The following IFI44L variants were observed in gnomAD, a reference collection of about 807,000 sequenced individuals.
The protein encoded by IFI44L is interferon-induced protein 44-like.
A neutral mutation model predicts 39.3 loss-of-function variants in IFI44L; 40 were observed. The ratio of observed to expected loss-of-function variants is 1.02; its 90% confidence interval spans 0.79 to 1.33. The LOEUF (loss-of-function observed/expected upper bound fraction) is 1.33, where lower values mean the gene tolerates loss of function less well. Among genes scored for constraint, IFI44L ranks in the 40% most tolerant of loss-of-function variants. The probability of loss-of-function intolerance (pLI) is 0.00; values close to 1 mark genes in which losing one functional copy is unlikely to be tolerated. For missense variants in IFI44L, 623 were observed against 549.0 expected (o/e 1.13, Z -1.35); for synonymous variants, 198 against 182.3 (o/e 1.09, Z -0.69).
chr1:78,628,934 AT>A lies in IFI44L; in HGVS notation c.479-16del, dbSNP rs543620084. 215 of 1,464,632 alleles carry A rather than the reference AT, an allele frequency of 1.5e-4. 1 individual carries two copies. The African/African-American group carries it at 2.7e-3, about 18-fold the overall frequency. 90.7% of individuals were successfully genotyped at this position (1,464,632 alleles called of 1,614,324 possible). A position where few individuals can be genotyped will look rare whatever the true frequency, so the allele number is the denominator to read the frequency against. On this transcript the variant is annotated splice_polypyrimidine_tract_variant and intron_variant, in intron 2 of 8. Coordinates refer to ENST00000370751, the MANE Select transcript of IFI44L (RefSeq NM_006820.4). ...ACAAGTTTTAAAAATGTATTATGCTATGTTTATTTCCTATAGGAATTAAGGA... is the reference window on the plus strand; with the variant it reads ...ACAAGTTTTAAAAATGTATTATGCTAGTTTATTTCCTATAGGAATTAAGGA...
intron 4 of IFI44L, among the ~76,000 whole-genome samples, chr1:78,632,402 T>C (rs980752839): frequency 1.4e-4 from 22 of 152,184 alleles, no homozygotes; most frequent in African/African-American, 5.1e-4. Flanking sequence ...AAATGTGATG[T>C]TTTAATATTG....
intron 3 of IFI44L, among the ~76,000 whole-genome samples, chr1:78,629,484 G>A (rs1652657176): frequency 1.3e-5 from 2 of 152,152 alleles, no homozygotes; most frequent in South Asian, 4.2e-4. Flanking sequence ...TTTGGTTGCA[G>A]GTTAATATTT....
intron 1 of IFI44L, chr1:78,620,854 T>A (rs1652247440): frequency 6.6e-6 from 1 of 152,202 alleles, no homozygotes; most frequent in African/African-American, 2.4e-5. Context: ...TTAACCAACC[T>A]CTTTTCATCA....
Position 78,629,687 on chromosome 1 carries a change from C to A in IFI44L, c.528-33C>A. 2.6e-6 allele frequency: 4 copies of A among 1,517,666 alleles called. No homozygotes were observed. The Admixed American group carries it at 5.5e-5, about 21-fold the overall frequency. The allele number at this position is 1,517,666 out of a possible 1,614,324, so 94.0% of individuals were successfully genotyped here. ...TTTATGGTATTCTTTATTGGCTGTT[C>A]TGATGCTGTATTTAACCACTATATT... On this transcript the variant is annotated intron_variant, in intron 3 of 8. Transcript: ENST00000370751.
intron 1 of IFI44L, among the ~76,000 whole-genome samples, chr1:78,622,184 G>T (rs143518221): frequency 0.017 from 2,613 of 152,142 alleles, 40 homozygotes; most frequent in South Asian, 0.041. Flanking sequence ...GAGTGAGAAC[G>T]TGTGATATTT....
At chr1:78,640,459 C>G (rs1254111673) in intron 6 of IFI44L, among the ~76,000 whole-genome samples, 1 of 152,016 alleles carries the variant, frequency 6.6e-6, no homozygotes, top group African/African-American at 2.4e-5. Flanking sequence ...ACTAAAAGCC[C>G]TGTTAAAAGA....
In IFI44L at chr1:78,643,213, C is replaced by T. The variant is rs1174542568; in HGVS notation, c.*1404C>T. ...GCAAGGCTGCAGGTGAAGTTGTGCT[C>T]AAGTGAATGTTCAGGAGACACAATT... On this transcript the variant is annotated 3_prime_UTR_variant, in exon 9 of 9. Transcript: ENST00000370751. The T allele has an allele frequency of 6.7e-6, 1 of 150,302 alleles. No homozygotes were observed. 9.3% of individuals were successfully genotyped at this position (150,302 alleles called of 1,614,324 possible).
chr1:78,629,565 A>G (rs145995518), intron 3 of IFI44L, 155 bp from the exon 4 acceptor site: 4 of 495,668 alleles, frequency 8.1e-6, no homozygotes, highest in African/African-American at 3.9e-5. Context: ...ATTTCAAATC[A>G]TATTATAGAA....
At chr1:78,621,781 C>T (rs1317715976) in intron 1 of IFI44L, among the ~76,000 whole-genome samples, 1 of 151,606 alleles carries the variant, frequency 6.6e-6, no homozygotes. Flanking sequence ...AATTAATATA[C>T]TTATATTAAT....
At chr1:78,624,757 C>G (rs1438473036) in intron 1 of IFI44L, among the ~76,000 whole-genome samples, 1 of 152,064 alleles carries the variant, frequency 6.6e-6, no homozygotes, top group Non-Finnish European at 1.5e-5. Context: ...TTTAGGTGCT[C>G]TGATGTTGGA....
Position 78,628,309 on chromosome 1 carries a change from C to T in IFI44L, c.394C>T (p.Leu132=), listed in dbSNP as rs773412203. 6.2e-7 allele frequency: 1 copy of T among 1,604,886 alleles called. No individual in the cohort carries two copies. The highest frequency in any genetic ancestry group is 1.3e-5 in the African/African-American group (1 of 74,548). ...FIICRDNKIY[L]DKMITRNLKL... ...TATATGTCGAGATAATAAAATTTATCTAGATAAAATGATAACAAGAAACTT... is the reference window on the plus strand; with the variant it reads ...TATATGTCGAGATAATAAAATTTATTTAGATAAAATGATAACAAGAAACTT... The change falls in exon 2 of 9, where the codon CTA becomes TTA. Residue 132 remains leucine, a synonymous_variant. Transcript: ENST00000370751.
In IFI44L at chr1:78,645,290, G is replaced by A. The variant is rs1346924192; in HGVS notation, c.*3481G>A. 2 of 152,126 alleles carry A rather than the reference G, an allele frequency of 1.3e-5. No individual in the cohort carries two copies. Among genetic ancestry groups the A allele is most frequent in the Non-Finnish European group, 2.9e-5 (2 of 68,022 alleles). 9.4% of individuals were successfully genotyped at this position (152,126 alleles called of 1,614,324 possible). A position where few individuals can be genotyped will look rare whatever the true frequency, so the allele number is the denominator to read the frequency against. ...GAATGTGTATTGTTCAGGACAACTTGTCTCCATACAGTTGGGTTGTAACCC... is the reference window on the plus strand; with the variant it reads ...GAATGTGTATTGTTCAGGACAACTTATCTCCATACAGTTGGGTTGTAACCC... On this transcript the variant is annotated 3_prime_UTR_variant, in exon 9 of 9. Transcript: ENST00000370751.
At chr1:78,628,739 G>A (rs1652601292) in intron 2 of IFI44L, 3 of 549,658 alleles carry the variant, frequency 5.5e-6, no homozygotes, top group Non-Finnish European at 6.5e-6. Flanking sequence ...GAACTTCTAG[G>A]TGTAATTATG....
intron 4 of IFI44L, among the ~76,000 whole-genome samples, chr1:78,630,641 G>T (rs1031110365): frequency 6.6e-6 from 1 of 152,124 alleles, no homozygotes; most frequent in African/African-American, 2.4e-5. Flanking sequence ...ATTGTCACTT[G>T]TTAGGGAATA....
intron 6 of IFI44L, among the ~76,000 whole-genome samples, chr1:78,639,692 A>G (rs1653089076): frequency 6.6e-6 from 1 of 152,070 alleles, no homozygotes; most frequent in Admixed American, 6.6e-5. Flanking sequence ...TAGTGTAAAG[A>G]AGAGGGAAAA....
Position 78,641,789 on chromosome 1 carries a change from GC to G in IFI44L, c.1340del (p.Ala447GlyfsTer31). 6.2e-7 allele frequency: 1 copy of G among 1,613,726 alleles called. No individual in the cohort carries two copies. Among genetic ancestry groups the G allele is most frequent in the Non-Finnish European group, 8.5e-7 (1 of 1,179,676 alleles). The part of the protein sequence containing the change: ...PLEETGAIER[A>X]LQPCI ...TTCATTTTCAGGTGCAATTGAGAGAGCGTTACAGCCCTGCATTTGAGATAAG... is the reference window on the plus strand; with the variant it reads ...TTCATTTTCAGGTGCAATTGAGAGAGGTTACAGCCCTGCATTTGAGATAAG... On this transcript the variant is annotated frameshift_variant, in exon 9 of 9. Transcript: ENST00000370751. LOFTEE classifies it low-confidence loss of function (END_TRUNC).
chr1:78,637,734 C>A (rs540955759), intron 6 of IFI44L, among the ~76,000 whole-genome samples: 15 of 152,178 alleles, frequency 9.9e-5, no homozygotes, highest in Non-Finnish European at 1.6e-4. Flanking sequence ...CCTTTTGAGA[C>A]TGGCTTTTTT....
rs1646976822 is a variant in IFI44L at position 78,641,036 on chromosome 1, C to T, written c.1064C>T (p.Ala355Val). Residue 355 changes from alanine to valine, a missense_variant, in exon 7 of 9, where the codon GCC (alanine) becomes GTC (valine). Transcript: ENST00000370751. The part of the protein sequence containing the change: ...EVLNCGIAYV[A>V]LLTKVDDCSE... ...TTTGATATAGGTATAGCATATGTGG[C>T]CTTGCTTACTAAAGTGGATGATTGC... 2 of 1,610,084 alleles carry T rather than the reference C, an allele frequency of 1.2e-6. No individual in the cohort carries two copies. Among genetic ancestry groups the T allele is most frequent in the Admixed American group, 1.7e-5 (1 of 59,936 alleles).
chr1:78,626,649 A>G (rs1377670999), intron 1 of IFI44L: 2 of 152,152 alleles, frequency 1.3e-5, no homozygotes, highest in Admixed American at 6.6e-5. Context: ...CTTCCAGTTC[A>G]TACTTCTTCC....
Sources: gnomAD v4.1 joint callset for allele counts (sites outside exome capture counted in the v4.1 genomes callset) on GRCh38, gnomAD v4.1.1 for gene constraint, MANE v1.5 for transcripts, NCBI Gene and HGNC (gene_info 2026-07-23, HGNC 2026-07-21) for gene names.